The following SAMD3 variants were observed in gnomAD, a reference collection of about 807,000 sequenced individuals.
SAMD3 encodes sterile alpha motif domain containing 3.
SAMD3 carries 63 observed loss-of-function variants against 58.5 expected under a neutral mutation model. That is an observed-to-expected ratio of 1.08 (90% confidence interval 0.88 to 1.33). The LOEUF is 1.33. SAMD3 is among the 40% of genes most tolerant of loss of function. The pLI is 0.00. For missense variants in SAMD3, 604 were observed against 608.4 expected (o/e 0.99, Z 0.08); for synonymous variants, 220 against 210.3 (o/e 1.05, Z -0.40).
At chr6:130,266,809 C>CAT (rs1562489187) in intron 2 of SAMD3, among the ~76,000 whole-genome samples, 69 of 151,864 alleles carry the variant, frequency 4.5e-4, no homozygotes, top group African/African-American at 1.4e-3. Context: ...ATGCTTCTTG[C>CAT]GAAAAGCGAA....
chr6:130,176,073 T>C, intron 7 of SAMD3, 65 bp from the exon 8 acceptor site: 1 of 1,280,994 alleles, frequency 7.8e-7, no homozygotes, highest in Non-Finnish European at 1.1e-6. Flanking sequence ...AAACAATACG[T>C]CTATACAACA....
intron 5 of SAMD3, among the ~76,000 whole-genome samples, chr6:130,186,679 T>A (rs951367417): frequency 6.6e-6 from 1 of 152,062 alleles, no homozygotes; most frequent in East Asian, 1.9e-4. Flanking sequence ...CTTTCTCCCA[T>A]GGCCAAATTA....
At chr6:130,210,192 C>A (rs1466374811) in intron 4 of SAMD3, among the ~76,000 whole-genome samples, 2 of 152,176 alleles carry the variant, frequency 1.3e-5, no homozygotes. Context: ...ACAAGAACAA[C>A]AACAAAAAGC....
At chr6:130,332,407 G>A (rs979326585) in intron 1 of SAMD3, among the ~76,000 whole-genome samples, 5 of 150,704 alleles carry the variant, frequency 3.3e-5, no homozygotes, top group African/African-American at 1.0e-4. Context: ...GGAGGGGTTA[G>A]AGGTAAAGTC....
chr6:130,196,997 T>G (rs1412599594), intron 5 of SAMD3, among the ~76,000 whole-genome samples: 3 of 152,192 alleles, frequency 2.0e-5, no homozygotes, highest in African/African-American at 7.2e-5. Context: ...AGTGAAACCT[T>G]TATATCCCTT....
intron 1 of SAMD3, among the ~76,000 whole-genome samples, chr6:130,319,502 G>GA (rs1035902041): frequency 6.6e-6 from 1 of 152,024 alleles, no homozygotes; most frequent in Non-Finnish European, 1.5e-5. Context: ...AGTAAATACT[G>GA]AAAAAACAAA....
Position 130,260,450 on chromosome 6 carries a change from G to A in SAMD3, c.-187-37637C>T, listed in dbSNP as rs537600330. On this transcript the variant is annotated intron_variant, in intron 2 of 13. Coordinates refer to the SAMD3 transcript ENST00000368134. ...TCAGTTGATCACGACCCTCTCTCACGGACCCCCATAGAGTTGTGAGCCCTT... is the reference window on the plus strand; with the variant it reads ...TCAGTTGATCACGACCCTCTCTCACAGACCCCCATAGAGTTGTGAGCCCTT... Among the ~76,000 whole-genome samples, 9 of 152,294 alleles carry A rather than the reference G, an allele frequency of 5.9e-5. No individual in the cohort carries two copies. The East Asian group carries it at 1.4e-3, about 23-fold the overall frequency.
chr6:130,347,183 C>A (rs892517947), intron 1 of SAMD3, among the ~76,000 whole-genome samples: 14 of 152,174 alleles, frequency 9.2e-5, no homozygotes, highest in Non-Finnish European at 1.8e-4. Context: ...CTCTCCTCCT[C>A]CAAAGGAATG....
At chr6:130,337,404 C>T (rs556398562) in intron 1 of SAMD3, among the ~76,000 whole-genome samples, 1 of 152,270 alleles carries the variant, frequency 6.6e-6, no homozygotes, top group Middle Eastern at 3.4e-3. Flanking sequence ...AGTCAATAAA[C>T]CTCTTTTCTT....
At chr6:130,340,949 G>T (rs2115023344) in intron 1 of SAMD3, among the ~76,000 whole-genome samples, 1 of 152,296 alleles carries the variant, frequency 6.6e-6, no homozygotes, top group East Asian at 1.9e-4. Flanking sequence ...CTCAGTTGGG[G>T]TGTGTCATCC....
At chr6:130,147,545 C>G (rs1562363826) in intron 9 of SAMD3, among the ~76,000 whole-genome samples, 2 of 152,168 alleles carry the variant, frequency 1.3e-5, no homozygotes, top group African/African-American at 4.8e-5. Context: ...AAATAGTAAA[C>G]AGAACTTACA....
intron 2 of SAMD3, among the ~76,000 whole-genome samples, chr6:130,229,997 G>A (rs6928022): frequency 0.14 from 21,571 of 152,212 alleles, 1,748 homozygotes; most frequent in East Asian, 0.36. Context: ...ACAATTACCT[G>A]CTCATACAAA....
At chr6:130,164,969 A>C (rs1039566077) in intron 8 of SAMD3, among the ~76,000 whole-genome samples, 11 of 152,268 alleles carry the variant, frequency 7.2e-5, no homozygotes, top group Admixed American at 6.5e-4. Flanking sequence ...CTAACAACAG[A>C]GCCCCCAAAA....
intron 5 of SAMD3, 68 bp from the exon 6 acceptor site, chr6:130,184,691 A>G (rs1177594622): frequency 7.5e-7 from 1 of 1,334,486 alleles, no homozygotes; most frequent in East Asian, 2.4e-5. Context: ...AATTTGCTAC[A>G]TCCTGAGAAC....
intron 1 of SAMD3, among the ~76,000 whole-genome samples, chr6:130,339,181 G>A (rs1357981290): frequency 6.6e-6 from 1 of 152,074 alleles, no homozygotes; most frequent in Non-Finnish European, 1.5e-5. Context: ...CAAGTAGCTG[G>A]GACTACAGGT....
At chr6:130,244,517 A>G (rs12212167) in intron 2 of SAMD3, among the ~76,000 whole-genome samples, 36,231 of 151,952 alleles carry the variant, frequency 0.24, 5,546 homozygotes, top group African/African-American at 0.43. Flanking sequence ...GGCAGGGAGA[A>G]TCACCTGAAC....
chr6:130,221,992 G>A (rs1383526351), intron 1 of SAMD3, among the ~76,000 whole-genome samples: 1 of 152,076 alleles, frequency 6.6e-6, no homozygotes, highest in Non-Finnish European at 1.5e-5. Context: ...AGAATGCAAG[G>A]TCAGTTGTTC....
intron 2 of SAMD3, among the ~76,000 whole-genome samples, chr6:130,246,876 G>A (rs9483097): frequency 0.12 from 18,790 of 152,060 alleles, 2,976 homozygotes; most frequent in African/African-American, 0.37. Context: ...GTAACAGAAC[G>A]AGACTGTCAC....
intron 2 of SAMD3, among the ~76,000 whole-genome samples, chr6:130,249,785 G>C (rs1237415673): frequency 6.6e-6 from 1 of 152,136 alleles, no homozygotes; most frequent in Admixed American, 6.5e-5. Flanking sequence ...TTTATCAAAA[G>C]AGCCTTTCCA....
Sources: allele counts gnomAD v4.1 joint callset (sites outside exome capture counted in the v4.1 genomes callset), GRCh38; gene constraint gnomAD v4.1.1; transcripts MANE v1.5; gene names NCBI Gene and HGNC (gene_info 2026-07-23, HGNC 2026-07-21).